MYO19: variants seen among roughly 807,000 people sequenced by gnomAD.
MYO19 encodes unconventional myosin-XIX.
In MYO19, 132 loss-of-function variants were observed where a neutral mutation model predicts 129.2. That is an observed-to-expected ratio of 1.02 (90% CI 0.89 to 1.18). MYO19 has a LOEUF of 1.18. Among genes scored for constraint, MYO19 ranks in the 50% most tolerant of loss-of-function variants. The probability of loss-of-function intolerance (pLI) is 0.00; values close to 1 mark genes in which losing one functional copy is unlikely to be tolerated. For missense variants in MYO19, 1,210 were observed against 1,216.7 expected (o/e 0.99, Z 0.08); for synonymous variants, 531 against 477.2 (o/e 1.11, Z -1.47).
chr17:36,508,281 G>C (rs1415506791), intron 14 of MYO19: 1 of 185,022 alleles, frequency 5.4e-6, no homozygotes, highest in Non-Finnish European at 1.1e-5. Context: ...GTTAAATCTA[G>C]TTCGGAGGGC....
At chr17:36,497,093 G>A (rs531128893) in intron 25 of MYO19, among the ~76,000 whole-genome samples, 60 of 152,132 alleles carry the variant, frequency 3.9e-4, no homozygotes, top group Admixed American at 9.2e-4. Context: ...ACTTTGGGAG[G>A]GCAAGGCAGG....
rs1433915738 is a variant in MYO19, at chr17:36,515,102, G to A, written c.617+11C>T. On this transcript the variant is annotated intron_variant, in intron 8 of 25. Transcript: ENST00000614623. ...CATCCTCCCACTAGCCAGGGCAACA[G>A]CAGCTATTACCTGTTCAGCTGGAGC... 6.2e-7 allele frequency: 1 copy of A among 1,600,738 alleles called. No homozygotes were observed. The highest frequency in any genetic ancestry group is 1.3e-5 in the African/African-American group (1 of 74,928).
chr17:36,503,804 C>T, intron 20 of MYO19, 146 bp downstream of exon 20: 3 of 596,252 alleles, frequency 5.0e-6, no homozygotes, highest in Non-Finnish European at 8.2e-6. Flanking sequence ...GGGTGCTGCT[C>T]CCTAGTTCCC....
chr17:36,513,262 C>T, intron 11 of MYO19, 167 bp downstream of exon 11: 3 of 1,479,446 alleles, frequency 2.0e-6, no homozygotes, highest in Non-Finnish European at 2.7e-6. Context: ...ACCACCTGGT[C>T]TCCAGACTCA....
Position 36,513,663 on chromosome 17 carries a change from G to A in MYO19, c.783C>T (p.Phe261=). The change falls in exon 10 of 26, where the codon TTC becomes TTT. Residue 261 remains phenylalanine (F), a synonymous_variant. Transcript: ENST00000614623. ...TCCTCTCTGGGTTGGGCAGCCAGGA[G>A]AAGGCAGCTCCCTCAGGAAGGTGCC... ...LQWHLPEGAA[F]SWLPNPERSL... is the part of the protein sequence containing the mutation. 1 of 1,614,012 alleles carries A rather than the reference G, an allele frequency of 6.2e-7. No individual in the cohort carries two copies. Among genetic ancestry groups the A allele is most frequent in the Non-Finnish European group, 8.5e-7 (1 of 1,179,892 alleles).
intron 19 of MYO19, 55 bp downstream of exon 19, chr17:36,505,242 G>A: frequency 2.7e-6 from 4 of 1,470,920 alleles, no homozygotes; most frequent in Non-Finnish European, 2.9e-6. Context: ...CATCTCTCCA[G>A]GGCCTTGGCC....
chr17:36,506,428 G>A, intron 18 of MYO19, 28 bp downstream of exon 18: 2 of 1,613,622 alleles, frequency 1.2e-6, no homozygotes, highest in South Asian at 1.1e-5. Context: ...TTTGAACCAA[G>A]CACCTCCCAT....
chr17:36,509,182 C>T (rs2072140636), intron 13 of MYO19, 47 bp from the exon 14 acceptor site: 2 of 1,578,554 alleles, frequency 1.3e-6, no homozygotes, highest in Non-Finnish European at 1.7e-6. Flanking sequence ...CTGGCTGAGT[C>T]AAAGGGGTGG....
intron 23 of MYO19, chr17:36,500,611 A>G (rs1006355405): frequency 2.4e-5 from 15 of 613,564 alleles, no homozygotes; most frequent in Middle Eastern, 9.2e-4. Flanking sequence ...TCCACTTCTT[A>G]CAGAGCACCT....
intron 8 of MYO19, 150 bp from the exon 9 acceptor site, chr17:36,514,698 C>CA: frequency 3.2e-6 from 2 of 628,314 alleles, no homozygotes; most frequent in Non-Finnish European, 5.7e-6. Context: ...GGGGACCACT[C>CA]AGAATGTCCT....
chr17:36,501,175 G>C lies in MYO19; in HGVS notation c.2141C>G (p.Thr714Ser). Residue 714 changes from threonine (T) to serine (S), a missense_variant, in exon 22 of 26, where the codon ACT (threonine) becomes AGT (serine). By Grantham distance (58) the Thr-to-Ser change is moderately conservative. Transcript: ENST00000614623. ...LEPLIQDILH[T>S]LPVLTQAAAI... Reference sequence around the variant, plus strand: ...TGCTGCCTGAGTTAGGACCGGCAGAGTGTGGAGAATGTCCTGGATGAGAGG... The same window carrying C: ...TGCTGCCTGAGTTAGGACCGGCAGACTGTGGAGAATGTCCTGGATGAGAGG... 1.9e-6 allele frequency: 3 copies of C among 1,614,074 alleles called. No homozygotes were observed. Among genetic ancestry groups the C allele is most frequent in the Non-Finnish European group, 2.5e-6 (3 of 1,179,902 alleles).
chr17:36,522,379 G>A (rs997784105), intron 6 of MYO19, among the ~76,000 whole-genome samples: 11 of 151,598 alleles, frequency 7.3e-5, no homozygotes, highest in Non-Finnish European at 1.5e-4. Context: ...CTGGTGGCAG[G>A]CGCCTGTAAT....
chr17:36,522,900 G>T (rs1187016629), intron 6 of MYO19, among the ~76,000 whole-genome samples: 1 of 152,044 alleles, frequency 6.6e-6, no homozygotes, highest in East Asian at 1.9e-4. Flanking sequence ...CAGCTACTCG[G>T]GAGGCTGAGG....
chr17:36,539,605 A>T (rs1028530934), upstream of MYO19, among the ~76,000 whole-genome samples: 2 of 118,414 alleles, frequency 1.7e-5, no homozygotes, highest in African/African-American at 5.9e-5. Flanking sequence ...GACCCTGTCT[A>T]CAAAAAAAAA....
chr17:36,506,794 A>G, intron 17 of MYO19, 169 bp downstream of exon 17: 2 of 1,085,838 alleles, frequency 1.8e-6, no homozygotes, highest in Non-Finnish European at 2.6e-6. Flanking sequence ...CAGGCAGGTC[A>G]TGCTTGATTA....
At chr17:36,501,265 A>C in intron 21 of MYO19, 30 bp from the exon 22 acceptor site, 1 of 1,591,638 alleles carries the variant, frequency 6.3e-7, no homozygotes, top group Non-Finnish European at 8.6e-7. Context: ...CCATCAGTGC[A>C]TGGTCATCTC....
intron 13 of MYO19, chr17:36,509,530 C>CT (rs1370044660): frequency 1.3e-5 from 3 of 224,140 alleles, no homozygotes; most frequent in African/African-American, 6.8e-5. Context: ...CTGCAAAACT[C>CT]TACCGGTGGA....
chr17:36,537,084 G>C (rs753061168), upstream of MYO19: 9 of 1,567,304 alleles, frequency 5.7e-6, no homozygotes, highest in East Asian at 4.5e-5. Context: ...CTTTGCTCTT[G>C]TTTTCACAGG....
At chr17:36,502,264 C>T (rs922104126) in intron 21 of MYO19, among the ~76,000 whole-genome samples, 4 of 152,186 alleles carry the variant, frequency 2.6e-5, no homozygotes, top group Admixed American at 2.0e-4. Context: ...ATGAGGGCCT[C>T]CAGATCCTTC....
Sources: gnomAD v4.1 joint callset for allele counts (sites outside exome capture counted in the v4.1 genomes callset) on GRCh38, gnomAD v4.1.1 for gene constraint, MANE v1.5 for transcripts, NCBI Gene and HGNC (gene_info 2026-07-23, HGNC 2026-07-21) for gene names.